SETBP1: variants seen among roughly 807,000 people sequenced by gnomAD.
SETBP1 encodes SET-binding protein.
A neutral mutation model predicts 101.0 loss-of-function variants in SETBP1; 9 were observed. That is an observed-to-expected ratio of 0.09 (90% CI 0.05 to 0.16). The LOEUF (loss-of-function observed/expected upper bound fraction) is 0.16, where lower values mean the gene tolerates loss of function less well. SETBP1 is among the 10% of genes least tolerant of loss of function. The pLI is 1.00. For missense variants in SETBP1, 1,858 were observed against 2,033.8 expected (o/e 0.91, Z 1.66); for synonymous variants, 818 against 788.5 (o/e 1.04, Z -0.63).
chr18:44,687,363 C>T (rs141928081), intron 1 of SETBP1, among the ~76,000 whole-genome samples: 24 of 152,176 alleles, frequency 1.6e-4, no homozygotes, highest in Non-Finnish European at 3.2e-4. Context: ...AATGGCGCCG[C>T]CAACAACTGT....
chr18:44,794,825 A>T (rs1292571938), intron 2 of SETBP1, among the ~76,000 whole-genome samples: 1 of 152,156 alleles, frequency 6.6e-6, no homozygotes, highest in East Asian at 1.9e-4. Context: ...TTTAGGGATG[A>T]CTATTGGTGG....
intron 3 of SETBP1, among the ~76,000 whole-genome samples, chr18:44,938,842 C>G (rs923209169): frequency 2.6e-5 from 4 of 152,104 alleles, no homozygotes; most frequent in African/African-American, 7.2e-5. Flanking sequence ...TATCTCTGCA[C>G]AGAGGGGAGA....
rs574555367 is a variant in SETBP1 at position 44,925,227 on chromosome 18, C to A, written c.541-24654C>A. Reference sequence around the variant, plus strand: ...TCCAAAAATGTATGTTTTTTTTTCACCCTGAAAATTCACACATAATAAAAT... The same window carrying A: ...TCCAAAAATGTATGTTTTTTTTTCAACCTGAAAATTCACACATAATAAAAT... On this transcript the variant is annotated intron_variant, in intron 3 of 5. Coordinates refer to ENST00000649279, the MANE Select transcript of SETBP1 (RefSeq NM_015559.3). Among the ~76,000 whole-genome samples, 7 of 150,696 alleles carry A rather than the reference C, an allele frequency of 4.6e-5. No homozygotes were observed. In the South Asian group the frequency reaches 1.0e-3, roughly 23 times the overall value.
chr18:44,765,887 C>A (rs1039489614), intron 2 of SETBP1, among the ~76,000 whole-genome samples: 31 of 152,230 alleles, frequency 2.0e-4, no homozygotes, highest in Admixed American at 1.5e-3. Context: ...AGGGGCTTTG[C>A]AGTATGCTGC....
intron 2 of SETBP1, among the ~76,000 whole-genome samples, chr18:44,705,334 G>A (rs2069195821): frequency 6.6e-6 from 1 of 152,184 alleles, no homozygotes; most frequent in Non-Finnish European, 1.5e-5. Context: ...GAGTTGAGTT[G>A]TTGTGACAGA....
chr18:44,785,898 C>A (rs950024930), intron 2 of SETBP1, among the ~76,000 whole-genome samples: 9 of 152,224 alleles, frequency 5.9e-5, no homozygotes, highest in Admixed American at 1.3e-4. Context: ...TTAACCCCCC[C>A]ACCATAAATC....
chr18:44,950,544 A>C lies in SETBP1; in HGVS notation c.1204A>C (p.Ile402Leu). The change falls in exon 4 of 6, where the codon ATT becomes CTT. Residue 402 changes from isoleucine to leucine, a missense_variant. By Grantham distance (5) the Ile-to-Leu change is conservative. Around this residue, in one of 12 missense-constraint regions of SETBP1, gnomAD observed 581 missense variants for 535.1 expected, o/e 1.09. Coordinates refer to ENST00000649279, the MANE Select transcript of SETBP1 (RefSeq NM_015559.3). ...TGAAAATGACTCAAGTCATGTCCGG[A>C]TTACTATCCCCATCAAGGCACCCTC... ...NPENDSSHVR[I>L]TIPIKAPSLD... 4 of 1,614,080 alleles carry C rather than the reference A, an allele frequency of 2.5e-6. No individual in the cohort carries two copies. Among genetic ancestry groups the C allele is most frequent in the South Asian group, 1.1e-5 (1 of 91,080 alleles).
At chr18:44,976,870 T>A (rs2071999644) in intron 4 of SETBP1, among the ~76,000 whole-genome samples, 1 of 152,196 alleles carries the variant, frequency 6.6e-6, no homozygotes, top group South Asian at 2.1e-4. Context: ...CAAAAAGTAT[T>A]CATGTATTTA....
At chr18:45,017,666 A>G (rs926727826) in intron 4 of SETBP1, among the ~76,000 whole-genome samples, 1 of 152,230 alleles carries the variant, frequency 6.6e-6, no homozygotes, top group African/African-American at 2.4e-5. Context: ...TGTTTCTTTT[A>G]AAGTGCAAAC....
At chr18:44,876,466 C>A in intron 3 of SETBP1, 1 of 838,464 alleles carries the variant, frequency 1.2e-6, no homozygotes, top group Non-Finnish European at 1.9e-6. Context: ...GAATCCAGTC[C>A]TAACCCCTGT....
intron 4 of SETBP1, among the ~76,000 whole-genome samples, chr18:45,001,134 G>T (rs1426977078): frequency 1.3e-5 from 2 of 152,108 alleles, no homozygotes; most frequent in Non-Finnish European, 2.9e-5. Flanking sequence ...CCCTACCAAG[G>T]ACAGCAGTGT....
chr18:44,737,186 G>T (rs1435702665), intron 2 of SETBP1, among the ~76,000 whole-genome samples: 1 of 152,238 alleles, frequency 6.6e-6, no homozygotes, highest in Non-Finnish European at 1.5e-5. Flanking sequence ...TGTTGAGTTT[G>T]TCTGGGACAG....
At chr18:44,755,407 G>A (rs934574844) in intron 2 of SETBP1, among the ~76,000 whole-genome samples, 2 of 152,076 alleles carry the variant, frequency 1.3e-5, no homozygotes, top group Non-Finnish European at 1.5e-5. Flanking sequence ...AGCTGGGAGC[G>A]GGCTAGGACA....
rs1007860842 is a variant in SETBP1, at chr18:45,064,424, AC to A, written c.*727del. 2 of 147,270 alleles carry A rather than the reference AC, an allele frequency of 1.4e-5. No individual in the cohort carries two copies. Among genetic ancestry groups the A allele is most frequent in the African/African-American group, 5.0e-5 (2 of 40,190 alleles). The allele number at this position is 147,270 out of a possible 1,614,324, so 9.1% of individuals were successfully genotyped here. On this transcript the variant is annotated 3_prime_UTR_variant, in exon 6 of 6. Coordinates refer to ENST00000649279, the MANE Select transcript of SETBP1 (RefSeq NM_015559.3). ...CTTCCATATATCTTTTCATTAACTT[AC>A]TTGCTGCCTTTTTTTTTTCTTGGTA...
At chr18:44,752,338 A>G (rs2070400931) in intron 2 of SETBP1, among the ~76,000 whole-genome samples, 1 of 152,184 alleles carries the variant, frequency 6.6e-6, no homozygotes, top group Non-Finnish European at 1.5e-5. Context: ...TCATGAACAG[A>G]GAACCTAGAT....
intron 3 of SETBP1, among the ~76,000 whole-genome samples, chr18:44,939,970 G>A (rs190103442): frequency 1.4e-4 from 21 of 152,198 alleles, no homozygotes; most frequent in Middle Eastern, 3.4e-3. Flanking sequence ...AAATTTGTTC[G>A]GCAATTACTG....
chr18:44,721,461 T>C (rs1372461913), intron 2 of SETBP1, among the ~76,000 whole-genome samples: 3 of 152,200 alleles, frequency 2.0e-5, no homozygotes, highest in African/African-American at 7.2e-5. Context: ...TTTCATCTGA[T>C]AGGTTCACTG....
chr18:44,832,276 G>A (rs1449227379), intron 2 of SETBP1, among the ~76,000 whole-genome samples: 1 of 152,186 alleles, frequency 6.6e-6, no homozygotes, highest in Non-Finnish European at 1.5e-5. Context: ...AAACATCAGT[G>A]AACATAACCA....
At chr18:44,717,688 C>T (rs1298702155) in intron 2 of SETBP1, among the ~76,000 whole-genome samples, 7 of 152,134 alleles carry the variant, frequency 4.6e-5, no homozygotes, top group Admixed American at 3.9e-4. Context: ...ACATGAAATC[C>T]AAAAAGCTGT....
Sources: allele counts gnomAD v4.1 joint callset (sites outside exome capture counted in the v4.1 genomes callset), GRCh38; gene constraint gnomAD v4.1.1; regional missense constraint gnomAD v4.1.1; transcripts MANE v1.5; gene names NCBI Gene and HGNC (gene_info 2026-07-23, HGNC 2026-07-21).